Variants in SOS1 observed in about 807,000 individuals in gnomAD.
SOS1 encodes SOS Ras/Rac guanine nucleotide exchange factor 1.
In SOS1, 25 loss-of-function variants were observed where a neutral mutation model predicts 157.6. The ratio of observed to expected loss-of-function variants is 0.16; its 90% confidence interval spans 0.12 to 0.22. SOS1 has a LOEUF of 0.22. Ranked by LOEUF, SOS1 falls within the 10% of genes least tolerant of loss-of-function variation. SOS1 has a pLI of 1.00. For synonymous variants in SOS1, 528 were observed against 534.0 expected (o/e 0.99, Z 0.16); for missense variants, 1,237 against 1,599.1 (o/e 0.77, Z 3.86).
chr2:39,019,161 C>G (rs1031584601), intron 10 of SOS1, among the ~76,000 whole-genome samples: 3 of 151,718 alleles, frequency 2.0e-5, no homozygotes, highest in Non-Finnish European at 4.4e-5. Context: ...GAGAAATTCC[C>G]AGGCAAGGGA....
chr2:39,008,695 T>C (rs1371506734), intron 15 of SOS1, among the ~76,000 whole-genome samples: 1 of 152,178 alleles, frequency 6.6e-6, no homozygotes, highest in Non-Finnish European at 1.5e-5. Flanking sequence ...TTGTATAGCA[T>C]TTATGCCACC....
At chr2:38,986,791 T>C (rs548723665) in intron 22 of SOS1, among the ~76,000 whole-genome samples, 5 of 152,296 alleles carry the variant, frequency 3.3e-5, no homozygotes, top group Admixed American at 3.3e-4. Flanking sequence ...CTTGCTTAGC[T>C]TATCACTCAA....
At chr2:39,074,935 T>C (rs1220126629) in intron 1 of SOS1, among the ~76,000 whole-genome samples, 1 of 149,806 alleles carries the variant, frequency 6.7e-6, no homozygotes, top group Non-Finnish European at 1.5e-5. Flanking sequence ...GGAAACTAAG[T>C]TGGACCATGG....
At chr2:39,113,318 G>A (rs1009784345) in intron 1 of SOS1, among the ~76,000 whole-genome samples, 21 of 151,044 alleles carry the variant, frequency 1.4e-4, no homozygotes, top group African/African-American at 5.1e-4. Context: ...AGCCTCCTGA[G>A]TAGCTGAGAC....
At chr2:39,108,767 C>T (rs1023812755) in intron 1 of SOS1, among the ~76,000 whole-genome samples, 1 of 152,042 alleles carries the variant, frequency 6.6e-6, no homozygotes, top group Non-Finnish European at 1.5e-5. Flanking sequence ...GTGGTACACA[C>T]CTGTAGTCCT....
intron 11 of SOS1, 66 bp from the exon 12 acceptor site, chr2:39,014,055 C>T: frequency 8.1e-7 from 1 of 1,239,470 alleles, no homozygotes; most frequent in Non-Finnish European, 1.2e-6. Context: ...TAGAAAACCA[C>T]AAACGTTTTC....
At chr2:39,112,796 C>G (rs1311082962) in intron 1 of SOS1, among the ~76,000 whole-genome samples, 1 of 152,082 alleles carries the variant, frequency 6.6e-6, no homozygotes, top group African/African-American at 2.4e-5. Flanking sequence ...CTCAGCACTT[C>G]GGTAGGCCGA....
chr2:39,099,801 C>T (rs747862869), intron 1 of SOS1, among the ~76,000 whole-genome samples: 7 of 152,120 alleles, frequency 4.6e-5, no homozygotes, highest in Non-Finnish European at 7.4e-5. Context: ...TGAAGTGGCA[C>T]GATCTCGACT....
chr2:38,993,734 G>A (rs1386169320), intron 20 of SOS1: 2 of 152,110 alleles, frequency 1.3e-5, no homozygotes, highest in African/African-American at 4.8e-5. Flanking sequence ...TTCTAACTTC[G>A]AGGTTAGTGC....
intron 1 of SOS1, among the ~76,000 whole-genome samples, chr2:39,096,544 T>A (rs1219718758): frequency 1.3e-5 from 2 of 152,334 alleles, no homozygotes; most frequent in Admixed American, 6.5e-5. Flanking sequence ...GCTTATTTAT[T>A]ACCTAATAAA....
intron 16 of SOS1, 37 bp from the exon 17 acceptor site, chr2:39,006,566 GA>G (rs757479225): frequency 2.0e-6 from 2 of 1,020,264 alleles, no homozygotes; most frequent in African/African-American, 3.2e-5. Flanking sequence ...TTTACAAAAG[GA>G]ATCAAAGGTC....
chr2:39,102,530 C>CAAAAAAA (rs70954782), intron 1 of SOS1, among the ~76,000 whole-genome samples: 36 of 50,504 alleles, frequency 7.1e-4, no homozygotes, highest in East Asian at 2.1e-3. Context: ...GACTCCATCT[C>CAAAAAAA]AAAAAAAAAA....
At chr2:39,015,434 G>A (rs932254166) in intron 10 of SOS1, among the ~76,000 whole-genome samples, 20 of 152,120 alleles carry the variant, frequency 1.3e-4, no homozygotes, top group African/African-American at 4.3e-4. Context: ...ACTATTAAAT[G>A]TGATAGAATA....
chr2:39,040,966 C>T (rs916461333), intron 6 of SOS1, among the ~76,000 whole-genome samples: 6 of 152,178 alleles, frequency 3.9e-5, no homozygotes, highest in Admixed American at 6.5e-5. Context: ...CAGCAAAATA[C>T]GAGGGTCTCA....
intron 17 of SOS1, among the ~76,000 whole-genome samples, chr2:39,004,137 C>T (rs1022974252): frequency 2.0e-5 from 3 of 151,998 alleles, no homozygotes; most frequent in African/African-American, 4.8e-5. Context: ...GGTCCCTGGC[C>T]GGGTGCGGTG....
rs572854022 is a variant in SOS1 at position 39,009,549 on chromosome 2, CATT to C, written c.2510+1032_2510+1034del. On this transcript the variant is annotated intron_variant, in intron 15 of 22. Transcript: ENST00000402219. The stretch of plus-strand genomic sequence containing the variant: ...AAACAACTGTATAAAATAATATAAA[CATT>C]GTTGAATTTATTGACATAGAAATGT... 8.6e-4 allele frequency among the ~76,000 whole-genome samples: 131 copies of C among 152,242 alleles called. 1 individual carries two copies. Among genetic ancestry groups the C allele is most frequent in the African/African-American group, 2.0e-3 (85 of 41,548 alleles).
intron 1 of SOS1, among the ~76,000 whole-genome samples, chr2:39,102,949 T>C (rs1673026962): frequency 6.6e-6 from 1 of 151,988 alleles, no homozygotes; most frequent in African/African-American, 2.4e-5. Flanking sequence ...GGCGAGACCC[T>C]GTCTCAAAAA....
intron 1 of SOS1, among the ~76,000 whole-genome samples, chr2:39,072,620 G>T (rs1572871588): frequency 1.3e-5 from 2 of 152,068 alleles, no homozygotes; most frequent in African/African-American, 2.4e-5. Context: ...TGTTAAGTTT[G>T]GCACTTTGTA....
intron 6 of SOS1, among the ~76,000 whole-genome samples, chr2:39,036,084 A>T (rs1670332899): frequency 6.6e-6 from 1 of 152,224 alleles, no homozygotes. Context: ...AAAAGACCAG[A>T]ATCTACTGGT....
Sources: allele counts gnomAD v4.1 joint callset (sites outside exome capture counted in the v4.1 genomes callset), GRCh38; gene constraint gnomAD v4.1.1; transcripts MANE v1.5; gene names NCBI Gene and HGNC (gene_info 2026-07-23, HGNC 2026-07-21).